The following KCNK10 variants were observed in gnomAD, a reference collection of about 807,000 sequenced individuals.
KCNK10 encodes potassium two pore domain channel subfamily K member 10.
In KCNK10, 25 loss-of-function variants were observed where a neutral mutation model predicts 47.7. The observed-to-expected ratio is 0.52, with a 90% CI of 0.38 to 0.73. KCNK10 has a LOEUF of 0.73. Ranked by LOEUF, KCNK10 falls within the 30% of genes least tolerant of loss-of-function variation. The pLI is 0.00. For missense variants in KCNK10, 563 were observed against 714.5 expected (o/e 0.79, Z 2.42); for synonymous variants, 303 against 285.6 (o/e 1.06, Z -0.61).
chr14:88,239,404 A>AAG (rs1403258725), intron 3 of KCNK10, among the ~76,000 whole-genome samples: 1 of 152,234 alleles, frequency 6.6e-6, no homozygotes, highest in Non-Finnish European at 1.5e-5. Flanking sequence ...CAAATCATAT[A>AAG]AGAGAAACAT....
At chr14:88,300,418 G>C (rs1015277019) in intron 1 of KCNK10, among the ~76,000 whole-genome samples, 1 of 152,238 alleles carries the variant, frequency 6.6e-6, no homozygotes, top group Non-Finnish European at 1.5e-5. Flanking sequence ...CAAAGGCAAA[G>C]ACTATGTCCT....
chr14:88,282,879 T>C (rs1213546677), intron 1 of KCNK10, among the ~76,000 whole-genome samples: 1 of 152,196 alleles, frequency 6.6e-6, no homozygotes, highest in Non-Finnish European at 1.5e-5. Flanking sequence ...TGACAGTGCT[T>C]CCGCATAGAC....
At chr14:88,251,147 C>T (rs1886784271) in intron 2 of KCNK10, among the ~76,000 whole-genome samples, 2 of 147,068 alleles carry the variant, frequency 1.4e-5, no homozygotes, top group Non-Finnish European at 3.0e-5. Flanking sequence ...GCAGAAGAAT[C>T]GCTTGAACCC....
In KCNK10 at chr14:88,201,182, A is replaced by G. The variant is rs537944113; in HGVS notation, c.682-8772T>C. Among the ~76,000 whole-genome samples, 214 of 152,350 alleles carry G rather than the reference A, an allele frequency of 1.4e-3. 1 individual carries two copies. Among genetic ancestry groups the G allele is most frequent in the African/African-American group, 4.6e-3 (193 of 41,594 alleles). On this transcript the variant is annotated intron_variant, in intron 4 of 6. Coordinates refer to ENST00000319231, the MANE Select transcript of KCNK10 (RefSeq NM_138317.3). ...GCAGAATCAGGGCAAGTACCTTGAC[A>G]TCCTAGGGGACGTGATCTCATCTAA...
At chr14:88,324,990 C>G (rs368410908), upstream of KCNK10, among the ~76,000 whole-genome samples, 1 of 152,226 alleles carries the variant, frequency 6.6e-6, no homozygotes, top group Non-Finnish European at 1.5e-5. Context: ...GATGGTGCTA[C>G]TCTGACTCTT....
chr14:88,234,372 T>A lies in KCNK10; in HGVS notation c.520+6331A>T, dbSNP rs368742054. 5.9e-5 allele frequency among the ~76,000 whole-genome samples: 9 copies of A among 152,242 alleles called. No individual in the cohort carries two copies. The East Asian group carries it at 1.5e-3, about 26-fold the overall frequency. ...GATTAAGAGTGTTTCTAAATAACAATGGCAATTTTCCTTCATCCAAAATGT... is the reference window on the plus strand; with the variant it reads ...GATTAAGAGTGTTTCTAAATAACAAAGGCAATTTTCCTTCATCCAAAATGT... On this transcript the variant is annotated intron_variant, in intron 3 of 6. Coordinates refer to ENST00000319231, the MANE Select transcript of KCNK10 (RefSeq NM_138317.3).
intron 3 of KCNK10, among the ~76,000 whole-genome samples, chr14:88,237,319 G>C (rs1199185697): frequency 6.6e-6 from 1 of 152,156 alleles, no homozygotes; most frequent in African/African-American, 2.4e-5. Context: ...GCATCCTCTA[G>C]TGAAGTCTTG....
At chr14:88,302,169 A>T (rs1286372734) in intron 1 of KCNK10, among the ~76,000 whole-genome samples, 2 of 152,190 alleles carry the variant, frequency 1.3e-5, no homozygotes, top group Non-Finnish European at 2.9e-5. Context: ...AACTATACAG[A>T]TAGATGGCGG....
intron 4 of KCNK10, among the ~76,000 whole-genome samples, chr14:88,216,980 C>G (rs552305572): frequency 1.4e-4 from 22 of 152,198 alleles, no homozygotes; most frequent in Non-Finnish European, 2.4e-4. Context: ...TATGGTGAAA[C>G]CTCGTCTCTA....
Position 88,207,854 on chromosome 14 carries a change from G to A in KCNK10, c.682-15444C>T, listed in dbSNP as rs189285091. Reference sequence around the variant, plus strand: ...TTGGGGTCTACAAGATGTTATTTGGGGGGGGTGTTGACCTCATTTAGAAGT... The same window carrying A: ...TTGGGGTCTACAAGATGTTATTTGGAGGGGGTGTTGACCTCATTTAGAAGT... On this transcript the variant is annotated intron_variant, in intron 4 of 6. Coordinates refer to ENST00000319231, the MANE Select transcript of KCNK10 (RefSeq NM_138317.3). 3.5e-3 allele frequency among the ~76,000 whole-genome samples: 533 copies of A among 152,246 alleles called. 11 individuals carry two copies. Among genetic ancestry groups the A allele is most frequent in the Non-Finnish European group, 1.1e-3 (73 of 68,004 alleles).
At chr14:88,219,253 G>C (rs942451779) in intron 4 of KCNK10, among the ~76,000 whole-genome samples, 1 of 152,212 alleles carries the variant, frequency 6.6e-6, no homozygotes, top group Non-Finnish European at 1.5e-5. Flanking sequence ...GACTATACCA[G>C]TGCGCAACAA....
At chr14:88,199,502 A>C (rs1243373395) in intron 4 of KCNK10, among the ~76,000 whole-genome samples, 1 of 152,194 alleles carries the variant, frequency 6.6e-6, no homozygotes, top group Non-Finnish European at 1.5e-5. Context: ...AAGGACAAGA[A>C]CCTGGAAAAG....
intron 2 of KCNK10, among the ~76,000 whole-genome samples, chr14:88,259,311 T>C (rs1233700217): frequency 1.3e-5 from 2 of 152,190 alleles, no homozygotes; most frequent in South Asian, 2.1e-4. Flanking sequence ...GCTTAACTTA[T>C]ATTGTGAGAA....
At chr14:88,295,701 T>C (rs1887971767) in intron 1 of KCNK10, among the ~76,000 whole-genome samples, 2 of 151,458 alleles carry the variant, frequency 1.3e-5, no homozygotes, top group African/African-American at 4.9e-5. Flanking sequence ...ATTTATTTAT[T>C]TCCTTGAGAT....
At chr14:88,271,721 C>T (rs1243677035) in intron 1 of KCNK10, among the ~76,000 whole-genome samples, 1 of 152,096 alleles carries the variant, frequency 6.6e-6, no homozygotes, top group Non-Finnish European at 1.5e-5. Flanking sequence ...TGGGGTCCCT[C>T]TGACTGGGGC....
upstream of KCNK10, chr14:88,326,684 A>G (rs1595138977): frequency 1.8e-6 from 1 of 564,996 alleles, no homozygotes; most frequent in East Asian, 3.0e-5. Context: ...AAGCGCTGCT[A>G]CCGGGCACGG....
At chr14:88,255,277 G>A (rs1183857240) in intron 2 of KCNK10, among the ~76,000 whole-genome samples, 1 of 152,160 alleles carries the variant, frequency 6.6e-6, no homozygotes, top group Non-Finnish European at 1.5e-5. Context: ...AGTTGTGTGG[G>A]CTCTGGAGTC....
chr14:88,233,157 C>T (rs915293917), intron 3 of KCNK10, among the ~76,000 whole-genome samples: 5 of 152,156 alleles, frequency 3.3e-5, no homozygotes, highest in Admixed American at 3.3e-4. Context: ...ATATATTGAC[C>T]CCAGTAAATA....
chr14:88,326,845 C>G (rs61293675), upstream of KCNK10: 264 of 241,018 alleles, frequency 1.1e-3, 2 homozygotes, highest in African/African-American at 5.8e-3. Flanking sequence ...TTGGCTGGCT[C>G]CCTTACCCCC....
Sources: allele counts gnomAD v4.1 joint callset (sites outside exome capture counted in the v4.1 genomes callset), GRCh38; gene constraint gnomAD v4.1.1; transcripts MANE v1.5; gene names NCBI Gene and HGNC (gene_info 2026-07-23, HGNC 2026-07-21).